CNTNAP2: variants seen among roughly 807,000 people sequenced by gnomAD.
CNTNAP2 encodes the protein contactin-associated protein-like 2.
In CNTNAP2, 98 loss-of-function variants were observed where a neutral mutation model predicts 155.2. The observed-to-expected ratio is 0.63, with a 90% confidence interval of 0.54 to 0.75. CNTNAP2 has a LOEUF of 0.75. Ranked by LOEUF, CNTNAP2 falls within the 30% of genes least tolerant of loss-of-function variation. CNTNAP2 has a pLI of 0.00. For synonymous variants in CNTNAP2, 651 were observed against 631.2 expected, an observed-to-expected ratio of 1.03 and a Z score of -0.47; for missense variants, 1,727 against 1,688.1, an observed-to-expected ratio of 1.02 and a Z score of -0.40.
chr7:148,037,117 C>A (rs920114079), intron 15 of CNTNAP2, among the ~76,000 whole-genome samples: 16 of 152,120 alleles, frequency 1.1e-4, no homozygotes, highest in Non-Finnish European at 2.1e-4. Flanking sequence ...GCTCAGAATC[C>A]AGTATTGCCC....
At chr7:147,646,718 C>T (rs1230905841) in intron 13 of CNTNAP2, among the ~76,000 whole-genome samples, 1 of 152,116 alleles carries the variant, frequency 6.6e-6, no homozygotes, top group Non-Finnish European at 1.5e-5. Flanking sequence ...CAATTAAATA[C>T]TCCTGCAAGG....
At chr7:147,234,919 T>C (rs1803765648) in intron 8 of CNTNAP2, among the ~76,000 whole-genome samples, 1 of 152,156 alleles carries the variant, frequency 6.6e-6, no homozygotes, top group South Asian at 2.1e-4. Context: ...ATCCCATTAT[T>C]GTGATTATTT....
At chr7:148,414,070 CTTTTTCCATTTTTTTTTTTT>C (rs374322413) in intron 23 of CNTNAP2, among the ~76,000 whole-genome samples, 3,171 of 145,104 alleles carry the variant, frequency 0.022, 116 homozygotes, top group African/African-American at 0.077. Context: ...GTATTTTTTT[CTTTTTCCATTTTTTTTTTTT>C]AGACAGAGTC....
chr7:147,554,531 G>A (rs922842986), intron 11 of CNTNAP2, among the ~76,000 whole-genome samples: 17 of 147,266 alleles, frequency 1.2e-4, no homozygotes, highest in Admixed American at 1.1e-3. Context: ...CTTTTTGAAG[G>A]ACTTATCAAG....
At chr7:147,903,418 G>T (rs762262990) in intron 13 of CNTNAP2, 147 bp from the exon 14 acceptor site, 3 of 836,834 alleles carry the variant, frequency 3.6e-6, no homozygotes, top group Non-Finnish European at 3.9e-6. Flanking sequence ...CCACTCTGTG[G>T]GTTGTCTGTT....
intron 1 of CNTNAP2, among the ~76,000 whole-genome samples, chr7:146,447,314 A>C (rs1796416313): frequency 6.6e-6 from 1 of 152,090 alleles, no homozygotes; most frequent in Non-Finnish European, 1.5e-5. Flanking sequence ...CTCAATAACT[A>C]GCTCTTTTCT....
chr7:147,039,361 C>T (rs1329324004), intron 3 of CNTNAP2, among the ~76,000 whole-genome samples: 1 of 152,140 alleles, frequency 6.6e-6, no homozygotes, highest in African/African-American at 2.4e-5. Flanking sequence ...CCTCTCCCTC[C>T]TTCCACCCTC....
chr7:147,474,041 T>G (rs761794811), intron 10 of CNTNAP2, among the ~76,000 whole-genome samples: 2 of 151,828 alleles, frequency 1.3e-5, no homozygotes, highest in Non-Finnish European at 2.9e-5. Context: ...ATCGCACCAC[T>G]GCACTGCAGC....
At chr7:147,828,537 T>C (rs1454000033) in intron 13 of CNTNAP2, among the ~76,000 whole-genome samples, 1 of 152,138 alleles carries the variant, frequency 6.6e-6, no homozygotes, top group Admixed American at 6.5e-5. Context: ...AACAATAAAT[T>C]CTATCTTAAT....
At chr7:146,778,954 C>A (rs1480073705) in intron 2 of CNTNAP2, among the ~76,000 whole-genome samples, 1 of 152,208 alleles carries the variant, frequency 6.6e-6, no homozygotes, top group Non-Finnish European at 1.5e-5. Context: ...TGCTTTGTTA[C>A]CTGACATCGT....
chr7:147,276,483 C>T (rs1804899028), intron 8 of CNTNAP2, among the ~76,000 whole-genome samples: 2 of 151,974 alleles, frequency 1.3e-5, no homozygotes, highest in Non-Finnish European at 2.9e-5. Flanking sequence ...TAAATTGCCA[C>T]TTGTCTTGAA....
intron 11 of CNTNAP2, among the ~76,000 whole-genome samples, chr7:147,521,335 A>T (rs2116706941): frequency 6.6e-6 from 1 of 152,276 alleles, no homozygotes; most frequent in East Asian, 1.9e-4. Flanking sequence ...CTTCTCATAC[A>T]AGGTTTGGAT....
At chr7:148,259,580 T>C (rs1241781621) in intron 20 of CNTNAP2, among the ~76,000 whole-genome samples, 2 of 152,206 alleles carry the variant, frequency 1.3e-5, no homozygotes, top group African/African-American at 4.8e-5. Context: ...GCCTTGAAAT[T>C]GTGTCCTTCA....
chr7:147,538,179 A>C (rs1799580753), intron 11 of CNTNAP2, among the ~76,000 whole-genome samples: 1 of 152,216 alleles, frequency 6.6e-6, no homozygotes, highest in African/African-American at 2.4e-5. Flanking sequence ...ATCTAAGTCA[A>C]GGTGGCCAAA....
intron 12 of CNTNAP2, among the ~76,000 whole-genome samples, chr7:147,596,664 C>A (rs1800832192): frequency 6.6e-6 from 1 of 152,068 alleles, no homozygotes; most frequent in African/African-American, 2.4e-5. Context: ...ACCTTTGTGT[C>A]AGAGGCATTC....
At chr7:147,238,445 C>G (rs1803864445) in intron 8 of CNTNAP2, among the ~76,000 whole-genome samples, 1 of 151,932 alleles carries the variant, frequency 6.6e-6, no homozygotes, top group Admixed American at 6.6e-5. Context: ...TCTGGATATC[C>G]TCTAGTTGCT....
intron 1 of CNTNAP2, among the ~76,000 whole-genome samples, chr7:146,248,371 GA>G (rs1799698939): frequency 6.6e-6 from 1 of 152,134 alleles, no homozygotes; most frequent in Non-Finnish European, 1.5e-5. Context: ...CGCTAAGGGT[GA>G]AGGACCAAGG....
intron 15 of CNTNAP2, among the ~76,000 whole-genome samples, chr7:148,054,155 G>T (rs1237581808): frequency 6.6e-6 from 1 of 151,958 alleles, no homozygotes; most frequent in Non-Finnish European, 1.5e-5. Flanking sequence ...TGTATTTTTA[G>T]TAGAGACAGG....
At chr7:146,795,171 T>C (rs548051719) in intron 2 of CNTNAP2, among the ~76,000 whole-genome samples, 2 of 152,366 alleles carry the variant, frequency 1.3e-5, no homozygotes, top group Middle Eastern at 3.4e-3. Context: ...GAGCAATCTC[T>C]ACCTTATATA....
Sources: gnomAD v4.1 joint callset for allele counts (sites outside exome capture counted in the v4.1 genomes callset) on GRCh38, gnomAD v4.1.1 for gene constraint, MANE v1.5 for transcripts, NCBI Gene and HGNC (gene_info 2026-07-23, HGNC 2026-07-21) for gene names.